The following ZNF407 variants were observed in gnomAD, a reference collection of about 807,000 sequenced individuals.
The protein encoded by ZNF407 is zinc finger protein 407.
A neutral mutation model predicts 131.2 loss-of-function variants in ZNF407; 17 were observed. That is an observed-to-expected ratio of 0.13 (90% CI 0.09 to 0.19). The LOEUF (loss-of-function observed/expected upper bound fraction) is 0.19, where lower values mean the gene tolerates loss of function less well. Among genes scored for constraint, ZNF407 ranks in the 10% least tolerant of loss-of-function variants. The pLI is 1.00. For missense variants in ZNF407, 2,681 were observed against 2,830.6 expected (o/e 0.95, Z 1.20); for synonymous variants, 1,156 against 1,062.0 (o/e 1.09, Z -1.72).
At chr18:74,629,742 G>A (rs764844311) in intron 1 of ZNF407, among the ~76,000 whole-genome samples, 55 of 152,266 alleles carry the variant, frequency 3.6e-4, no homozygotes, top group African/African-American at 1.2e-3. Flanking sequence ...ACTATAATAC[G>A]TTGATGCCTT....
chr18:74,598,524 ACT>A (rs1982415834), intron 1 of ZNF407: 1 of 152,118 alleles, frequency 6.6e-6, no homozygotes, highest in South Asian at 2.1e-4. Flanking sequence ...CCGCCCGCCC[ACT>A]CTCGTGTCAC....
At chr18:75,052,018 G>T (rs189755559) in intron 8 of ZNF407, among the ~76,000 whole-genome samples, 216 of 152,290 alleles carry the variant, frequency 1.4e-3, no homozygotes, top group African/African-American at 5.1e-3. Context: ...TTCGCACTCA[G>T]GAGAGGCTCT....
rs558638716 is a variant in ZNF407, at chr18:74,832,265, A to C, written c.4878-44932A>C. Among the ~76,000 whole-genome samples the C allele has an allele frequency of 2.4e-4, 37 of 152,152 alleles. No homozygotes were observed. In the South Asian group the frequency reaches 7.5e-3, roughly 31 times the overall value. On this transcript the variant is annotated intron_variant, in intron 4 of 8. Coordinates refer to ENST00000299687, the MANE Select transcript of ZNF407 (RefSeq NM_017757.3). ...GAACTCATGTTTTTCTGATTATAGT[A>C]CTCATGTGCTTTACTTCTCCAAAGT...
intron 3 of ZNF407, among the ~76,000 whole-genome samples, chr18:74,767,715 G>A (rs1043813976): frequency 7.0e-6 from 1 of 143,074 alleles, no homozygotes. Flanking sequence ...ATGCAGTGGT[G>A]CGATTTCGGC....
intron 3 of ZNF407, among the ~76,000 whole-genome samples, chr18:74,708,767 T>C (rs1967687925): frequency 6.6e-6 from 1 of 152,216 alleles, no homozygotes; most frequent in Non-Finnish European, 1.5e-5. Context: ...CGCACGCGGC[T>C]TGATTGGTGA....
chr18:74,920,441 T>G, intron 7 of ZNF407, 73 bp from the exon 8 acceptor site: 1 of 1,269,800 alleles, frequency 7.9e-7, no homozygotes, highest in Non-Finnish European at 1.1e-6. Flanking sequence ...CAGTGTTATG[T>G]AATATCATTA....
At chr18:74,831,068 A>G (rs1970476038) in intron 4 of ZNF407, among the ~76,000 whole-genome samples, 1 of 152,196 alleles carries the variant, frequency 6.6e-6, no homozygotes, top group Non-Finnish European at 1.5e-5. Flanking sequence ...AATGTCCTCC[A>G]GTTCCATCTA....
intron 8 of ZNF407, among the ~76,000 whole-genome samples, chr18:75,029,393 A>G (rs548100951): frequency 6.6e-6 from 1 of 152,328 alleles, no homozygotes; most frequent in South Asian, 2.1e-4. Context: ...TCCAGAGAGC[A>G]GGAGTTACCA....
At chr18:75,017,504 A>C (rs1283544453) in intron 8 of ZNF407, among the ~76,000 whole-genome samples, 1 of 152,124 alleles carries the variant, frequency 6.6e-6, no homozygotes, top group African/African-American at 2.4e-5. Flanking sequence ...GGAGTAGCCA[A>C]GATATCAGTG....
At chr18:74,903,206 C>G (rs1013343148) in intron 7 of ZNF407, among the ~76,000 whole-genome samples, 1 of 152,180 alleles carries the variant, frequency 6.6e-6, no homozygotes, top group African/African-American at 2.4e-5. Context: ...CCGGCTTGAA[C>G]TCTCAGAAAT....
intron 8 of ZNF407, among the ~76,000 whole-genome samples, chr18:75,021,013 A>G (rs1175521638): frequency 1.3e-5 from 2 of 152,190 alleles, no homozygotes; most frequent in East Asian, 3.9e-4. Context: ...ATTTCACCTC[A>G]TTTCATTTTC....
chr18:74,884,074 C>T (rs1249516216), intron 6 of ZNF407, among the ~76,000 whole-genome samples: 1 of 152,184 alleles, frequency 6.6e-6, no homozygotes, highest in African/African-American at 2.4e-5. Flanking sequence ...AGCACTTTTG[C>T]CAATATGCAC....
rs113712498 is a variant in ZNF407, at chr18:74,975,214, T to C, written c.5428+54522T>C. 6.7e-3 allele frequency among the ~76,000 whole-genome samples: 1,016 copies of C among 152,362 alleles called. 20 individuals carry two copies. The highest frequency in any genetic ancestry group is 0.023 in the African/African-American group (957 of 41,584). On this transcript the variant is annotated intron_variant, in intron 8 of 8. Coordinates refer to ENST00000299687, the MANE Select transcript of ZNF407 (RefSeq NM_017757.3). ...TAATTGAAGCAGAGTTATGGCGATA[T>C]ATTACCCACGTGAGTCTGATTATAG... is the stretch of plus-strand genomic sequence containing the variant.
At chr18:74,789,436 C>T (rs1263350875) in intron 4 of ZNF407, among the ~76,000 whole-genome samples, 2 of 152,024 alleles carry the variant, frequency 1.3e-5, no homozygotes, top group East Asian at 3.9e-4. Context: ...AAATGGTCAC[C>T]AGTGAGCGTA....
rs575721767 is a variant in ZNF407 at position 74,720,874 on chromosome 18, T to C, written c.4803-60554T>C. On this transcript the variant is annotated intron_variant, in intron 3 of 8. Transcript: ENST00000299687. Reference sequence around the variant, plus strand: ...TTTTTATGCTAGTACCATGCTGTTTTGTTAGTACAGATTTGTAGTATATTT... The same window carrying C: ...TTTTTATGCTAGTACCATGCTGTTTCGTTAGTACAGATTTGTAGTATATTT... 2.0e-5 allele frequency among the ~76,000 whole-genome samples: 3 copies of C among 152,144 alleles called. No individual in the cohort carries two copies. In the East Asian group the frequency reaches 5.8e-4, roughly 29 times the overall value.
chr18:74,677,282 G>T (rs1475210969), intron 3 of ZNF407, among the ~76,000 whole-genome samples: 1 of 152,102 alleles, frequency 6.6e-6, no homozygotes, highest in Non-Finnish European at 1.5e-5. Flanking sequence ...GTAGACATGG[G>T]GTTTCACCAT....
At chr18:74,985,952 T>C (rs1972647710) in intron 8 of ZNF407, among the ~76,000 whole-genome samples, 1 of 152,216 alleles carries the variant, frequency 6.6e-6, no homozygotes. Flanking sequence ...ACTTCAGTTA[T>C]AATCTTTGTA....
At chr18:74,672,048 G>T (rs1475977998) in intron 3 of ZNF407, among the ~76,000 whole-genome samples, 1 of 152,152 alleles carries the variant, frequency 6.6e-6, no homozygotes, top group Non-Finnish European at 1.5e-5. Context: ...TTATGGTAGA[G>T]TGGTTTATAG....
At chr18:74,722,832 T>C (rs1261186414) in intron 3 of ZNF407, among the ~76,000 whole-genome samples, 1 of 152,230 alleles carries the variant, frequency 6.6e-6, no homozygotes, top group Non-Finnish European at 1.5e-5. Flanking sequence ...TGACCTCTTT[T>C]TGTGGCCAAA....
Sources: allele counts gnomAD v4.1 joint callset (sites outside exome capture counted in the v4.1 genomes callset), GRCh38; gene constraint gnomAD v4.1.1; transcripts MANE v1.5; gene names NCBI Gene and HGNC (gene_info 2026-07-23, HGNC 2026-07-21).